EHMT1: variants seen among roughly 807,000 people sequenced by gnomAD.
The protein encoded by EHMT1 is histone-lysine N-methyltransferase EHMT1.
In EHMT1, 15 loss-of-function variants were observed where a neutral mutation model predicts 147.2. The ratio of observed to expected loss-of-function variants is 0.10; its 90% CI spans 0.07 to 0.16. EHMT1 has a LOEUF of 0.16. EHMT1 is among the 10% of genes least tolerant of loss of function. The pLI is 1.00. For missense variants in EHMT1, 1,587 were observed against 1,772.4 expected, an observed-to-expected ratio of 0.90 and a Z score of 1.88; for synonymous variants, 795 against 709.6, an observed-to-expected ratio of 1.12 and a Z score of -1.91.
chr9:137,791,324 C>T (rs1480965501), intron 16 of EHMT1, among the ~76,000 whole-genome samples: 1 of 152,132 alleles, frequency 6.6e-6, no homozygotes, highest in African/African-American at 2.4e-5. Context: ...AGTAAAACTG[C>T]CTCTGTTCAC....
At chr9:137,792,470 T>A (rs1952598499) in intron 16 of EHMT1, among the ~76,000 whole-genome samples, 1 of 152,166 alleles carries the variant, frequency 6.6e-6, no homozygotes, top group Non-Finnish European at 1.5e-5. Flanking sequence ...GTTGGGAGGC[T>A]GAGGCAGGTG....
intron 15 of EHMT1, among the ~76,000 whole-genome samples, chr9:137,783,276 C>A (rs1420208981): frequency 6.6e-6 from 1 of 152,194 alleles, no homozygotes; most frequent in Non-Finnish European, 1.5e-5. Context: ...AGGTGTGGAA[C>A]CTTCCAGACC....
At chr9:137,643,951 T>G (rs564843564) in intron 1 of EHMT1, among the ~76,000 whole-genome samples, 1 of 152,222 alleles carries the variant, frequency 6.6e-6, no homozygotes, top group Admixed American at 6.5e-5. Flanking sequence ...TTCTCACCCC[T>G]GTCTGACGTG....
At chr9:137,673,657 A>G (rs945957708) in intron 1 of EHMT1, among the ~76,000 whole-genome samples, 3 of 152,216 alleles carry the variant, frequency 2.0e-5, no homozygotes, top group Non-Finnish European at 4.4e-5. Context: ...CCTGCCTGGC[A>G]CTGGCCCTGC....
intron 10 of EHMT1, among the ~76,000 whole-genome samples, chr9:137,773,145 ATTCTTAGTACTT>A (rs1950700056): frequency 3.3e-5 from 5 of 152,256 alleles, no homozygotes; most frequent in Admixed American, 2.6e-4. Context: ...TGAGGGAATC[ATTCTTAGTACTT>A]TTGTATGTTC....
intron 16 of EHMT1, among the ~76,000 whole-genome samples, chr9:137,794,088 ACTC>A (rs1399244620): frequency 6.6e-6 from 1 of 152,072 alleles, no homozygotes; most frequent in Non-Finnish European, 1.5e-5. Context: ...AAGTGATCAC[ACTC>A]CTCATAGTAA....
At chr9:137,718,966 G>A (rs561517268) in intron 3 of EHMT1, among the ~76,000 whole-genome samples, 20 of 152,110 alleles carry the variant, frequency 1.3e-4, no homozygotes, top group Admixed American at 7.2e-4. Flanking sequence ...ATGTTGGCCA[G>A]GCTGTTCTTG....
rs756338057 is a variant in EHMT1 at position 137,787,917 on chromosome 9, TAGG to T, written c.2383-2927_2383-2925del. On this transcript the variant is annotated intron_variant, in intron 15 of 26. Transcript: ENST00000460843. This position sits in a 1 kb window ranked among gnomAD's most constrained non-coding sequence, Gnocchi z 4.2. ...CACATTGGGAGTGTAGATTGGCAAG[TAGG>T]AGGTGGGCAGCTGCCCCCAGAGGGA... 1.1e-4 allele frequency: 163 copies of T among 1,479,074 alleles called. No homozygotes were observed. In the East Asian group the frequency reaches 3.4e-3, roughly 31 times the overall value. 91.6% of individuals were successfully genotyped at this position (1,479,074 alleles called of 1,614,324 possible).
chr9:137,802,211 G>A (rs539532094), intron 18 of EHMT1, among the ~76,000 whole-genome samples: 3 of 152,322 alleles, frequency 2.0e-5, no homozygotes, highest in East Asian at 3.9e-4. Flanking sequence ...AGCAAGGGGC[G>A]AGGGGGTACT....
At position 137,834,871 on chromosome 9, in the gene EHMT1, A is replaced by G. The variant is rs1956494140; in HGVS notation, c.3815A>G (p.Gln1272Arg). ...CGGCACTCGAGCGCGGCCCTGGCCC[A>G]GCGTCAGGCCAGCGCGGCCCAGGAG... ...KCRHSSAALA[Q>R]RQASAAQEAQ... The change falls in exon 27 of 27, where the codon CAG (glutamine) becomes CGG (arginine). Residue 1272 changes from glutamine (Q) to arginine (R), a missense_variant. Gln to Arg is a conservative substitution (Grantham distance 43). Transcript: ENST00000460843. 6.2e-7 allele frequency: 1 copy of G among 1,610,930 alleles called. No homozygotes were observed. The highest frequency in any genetic ancestry group is 8.5e-7 in the Non-Finnish European group (1 of 1,179,254).
chr9:137,675,034 A>C (rs2134364689), intron 1 of EHMT1: 1 of 152,340 alleles, frequency 6.6e-6, no homozygotes, highest in Admixed American at 6.5e-5. Context: ...ACAACTTAAA[A>C]AATTAAAAAA....
intron 1 of EHMT1, among the ~76,000 whole-genome samples, chr9:137,692,242 T>TTTTCTTTTC (rs1255836249): frequency 4.0e-5 from 6 of 150,826 alleles, no homozygotes; most frequent in African/African-American, 1.5e-4. Context: ...TTTTTCTTTT[T>TTTTCTTTTC]TTTCTTTTCT....
At chr9:137,728,272 CTG>C in intron 3 of EHMT1, 75 bp from the exon 4 acceptor site, 1 of 1,586,306 alleles carries the variant, frequency 6.3e-7, no homozygotes, top group Non-Finnish European at 8.6e-7. Context: ...GGGAGAAGAA[CTG>C]TGATTTTGGT....
intron 10 of EHMT1, among the ~76,000 whole-genome samples, chr9:137,771,698 C>T (rs1054634219): frequency 6.6e-6 from 1 of 152,200 alleles, no homozygotes; most frequent in Non-Finnish European, 1.5e-5. Flanking sequence ...GGTGGCGGGG[C>T]GTTTTGGCTA....
In EHMT1 at chr9:137,773,508, C is replaced by T. The variant is rs899423487; in HGVS notation, c.1648-1601C>T. Among the ~76,000 whole-genome samples the T allele has an allele frequency of 3.4e-5, 5 of 148,096 alleles. No homozygotes were observed. The East Asian group carries it at 8.0e-4, about 24-fold the overall frequency. On this transcript the variant is annotated intron_variant, in intron 10 of 26. Transcript: ENST00000460843. ...GGGTAGATCATTTATGCCACCTGGG[C>T]GTGCCCTGCAGCCACTCTTCTGCAG...
rs1945446154 is a variant in EHMT1 at position 137,717,462 on chromosome 9, T to C, written c.642+280T>C. Among the ~76,000 whole-genome samples the C allele has an allele frequency of 2.0e-5, 3 of 151,748 alleles. 1 individual carries two copies. Among genetic ancestry groups the C allele is most frequent in the Admixed American group, 2.0e-4 (3 of 15,228 alleles). ...AAAATTTTGTAAAAAATGCAAAAAT[T>C]AACTGGGCATAGTGGTGCGTACCTG... On this transcript the variant is annotated intron_variant, in intron 3 of 26. Coordinates refer to ENST00000460843, the MANE Select transcript of EHMT1 (RefSeq NM_024757.5).
chr9:137,703,363 G>T (rs1450330415), intron 1 of EHMT1, among the ~76,000 whole-genome samples: 1 of 152,152 alleles, frequency 6.6e-6, no homozygotes, highest in African/African-American at 2.4e-5. Context: ...TGGTCAGGCT[G>T]CAAAATTTCC....
intron 1 of EHMT1, among the ~76,000 whole-genome samples, chr9:137,639,622 C>T (rs2133787992): frequency 6.6e-6 from 1 of 152,230 alleles, no homozygotes; most frequent in Non-Finnish European, 1.5e-5. Flanking sequence ...GTCAGTATAG[C>T]CACTTCAGTT....
chr9:137,746,740 C>T (rs962365587), intron 6 of EHMT1: 1 of 152,150 alleles, frequency 6.6e-6, no homozygotes, highest in African/African-American at 2.4e-5. Flanking sequence ...GTTTCAGCTC[C>T]ACTTACTGAC....
Sources: gnomAD v4.1 joint callset for allele counts (sites outside exome capture counted in the v4.1 genomes callset) on GRCh38, gnomAD v4.1.1 for gene constraint, Gnocchi (gnomAD v3.1) non-coding constraint, MANE v1.5 for transcripts, NCBI Gene and HGNC (gene_info 2026-07-23, HGNC 2026-07-21) for gene names.